Variants in KCNQ3 observed in about 807,000 individuals in gnomAD.
KCNQ3 encodes potassium voltage-gated channel subfamily Q member 3.
A neutral mutation model predicts 92.5 loss-of-function variants in KCNQ3; 30 were observed. The ratio of observed to expected loss-of-function variants is 0.32; its 90% CI spans 0.24 to 0.44. The LOEUF is 0.44. KCNQ3 is among the 20% of genes least tolerant of loss of function. The pLI is 1.00. For synonymous variants in KCNQ3, 450 were observed against 468.8 expected, an observed-to-expected ratio of 0.96 and a Z score of 0.52; for missense variants, 913 against 1,140.3, an observed-to-expected ratio of 0.80 and a Z score of 2.87.
At chr8:132,477,526 T>C (rs2130871873) in intron 1 of KCNQ3, among the ~76,000 whole-genome samples, 1 of 152,354 alleles carries the variant, frequency 6.6e-6, no homozygotes, top group South Asian at 2.1e-4. Context: ...TTGACTGGAC[T>C]GTCTCCTAAG....
At chr8:132,182,984 G>A (rs1247633275) in intron 3 of KCNQ3, among the ~76,000 whole-genome samples, 1 of 151,886 alleles carries the variant, frequency 6.6e-6, no homozygotes, top group Non-Finnish European at 1.5e-5. Context: ...TTAGCATCAG[G>A]TGGGAATAGG....
intron 1 of KCNQ3, among the ~76,000 whole-genome samples, chr8:132,325,359 T>C (rs1344785102): frequency 6.6e-6 from 1 of 152,032 alleles, no homozygotes; most frequent in Non-Finnish European, 1.5e-5. Flanking sequence ...TTTCCATTTC[T>C]GAGCCTTGAT....
rs1359217626 is a variant in KCNQ3, at chr8:132,172,610, A to G, written c.1128T>C (p.Ala376=). 2 of 1,613,964 alleles carry G rather than the reference A, an allele frequency of 1.2e-6. No homozygotes were observed. The highest frequency in any genetic ancestry group is 2.2e-5 in the South Asian group (2 of 91,084). Residue 376 remains alanine (A), a synonymous_variant, in exon 7 of 15, where the codon GCT becomes GCC. Transcript: ENST00000388996. ...KHFEKRRKPA[A]ELIQAAWRYY... ...CAGGCAGACAGACCTGAATGAGCTC[A>G]GCAGCTGGCTTCCTCCTTTTCTCAA...
At chr8:132,324,457 C>T (rs1448901346) in intron 1 of KCNQ3, among the ~76,000 whole-genome samples, 1 of 152,194 alleles carries the variant, frequency 6.6e-6, no homozygotes, top group Non-Finnish European at 1.5e-5. Flanking sequence ...AATGCAGACA[C>T]AGTCATTATC....
chr8:132,462,810 T>A (rs892229169), intron 1 of KCNQ3, among the ~76,000 whole-genome samples: 3 of 152,168 alleles, frequency 2.0e-5, no homozygotes, highest in Non-Finnish European at 4.4e-5. Context: ...TGGACACAGG[T>A]CAATAAGGAA....
chr8:132,399,633 C>T (rs998743633), intron 1 of KCNQ3, among the ~76,000 whole-genome samples: 10 of 152,224 alleles, frequency 6.6e-5, no homozygotes, highest in African/African-American at 2.2e-4. Context: ...GGACACCTCC[C>T]ATTAGAATGA....
intron 1 of KCNQ3, among the ~76,000 whole-genome samples, chr8:132,372,974 C>A (rs150227320): frequency 5.9e-5 from 9 of 152,096 alleles, no homozygotes; most frequent in Non-Finnish European, 1.2e-4. Flanking sequence ...AAGAAAGAAC[C>A]AAAGAAAGAA....
intron 1 of KCNQ3, among the ~76,000 whole-genome samples, chr8:132,332,783 C>A (rs1260628699): frequency 6.6e-6 from 1 of 152,214 alleles, no homozygotes; most frequent in African/African-American, 2.4e-5. Context: ...CAACTTACCA[C>A]GACTGTTCCA....
At chr8:132,338,948 A>C (rs538057581) in intron 1 of KCNQ3, among the ~76,000 whole-genome samples, 1 of 152,268 alleles carries the variant, frequency 6.6e-6, no homozygotes, top group East Asian at 1.9e-4. Context: ...GTCTTGTGAA[A>C]CCTCAGGAGA....
At chr8:132,378,578 C>A (rs749771868) in intron 1 of KCNQ3, among the ~76,000 whole-genome samples, 1 of 152,168 alleles carries the variant, frequency 6.6e-6, no homozygotes, top group Non-Finnish European at 1.5e-5. Flanking sequence ...GATACTCTTG[C>A]CTTGCCACTT....
intron 1 of KCNQ3, among the ~76,000 whole-genome samples, chr8:132,264,112 T>C (rs1182979180): frequency 6.6e-6 from 1 of 152,158 alleles, no homozygotes; most frequent in Non-Finnish European, 1.5e-5. Flanking sequence ...AGCTAGCAAG[T>C]GGTGAAATTG....
At chr8:132,174,590 T>A (rs868581476) in intron 5 of KCNQ3, among the ~76,000 whole-genome samples, 1 of 152,232 alleles carries the variant, frequency 6.6e-6, no homozygotes, top group African/African-American at 2.4e-5. Context: ...ATTGCAAATG[T>A]GTATGTACAC....
intron 1 of KCNQ3, among the ~76,000 whole-genome samples, chr8:132,474,701 T>C (rs1435066387): frequency 6.6e-6 from 1 of 152,130 alleles, no homozygotes; most frequent in Admixed American, 6.5e-5. Flanking sequence ...CTCTGCAGCC[T>C]GCTGTGGAGT....
chr8:132,313,034 C>T (rs776723356), intron 1 of KCNQ3, among the ~76,000 whole-genome samples: 9 of 152,154 alleles, frequency 5.9e-5, no homozygotes, highest in South Asian at 4.1e-4. Flanking sequence ...ACCTTCCAGC[C>T]GGACGTCTGA....
At chr8:132,424,411 C>A (rs1821053258) in intron 1 of KCNQ3, among the ~76,000 whole-genome samples, 1 of 152,228 alleles carries the variant, frequency 6.6e-6, no homozygotes, top group African/African-American at 2.4e-5. Context: ...TACTCCCATC[C>A]CCCCAACCCT....
chr8:132,324,972 G>A (rs1191120094), intron 1 of KCNQ3, among the ~76,000 whole-genome samples: 11 of 151,546 alleles, frequency 7.3e-5, no homozygotes, highest in East Asian at 1.9e-4. Flanking sequence ...TTTTGTATTC[G>A]CTGTCCTAGT....
intron 1 of KCNQ3, among the ~76,000 whole-genome samples, chr8:132,236,527 T>C (rs1018179153): frequency 2.0e-5 from 3 of 152,190 alleles, no homozygotes; most frequent in African/African-American, 7.2e-5. Context: ...ACACTGTCAA[T>C]GAATGTCTGC....
intron 1 of KCNQ3, among the ~76,000 whole-genome samples, chr8:132,339,233 C>A (rs1373596912): frequency 1.3e-5 from 2 of 152,172 alleles, no homozygotes; most frequent in Non-Finnish European, 2.9e-5. Context: ...AGATAAGAAG[C>A]AATGAGTTTT....
chr8:132,433,007 A>T (rs888017636), intron 1 of KCNQ3, among the ~76,000 whole-genome samples: 1 of 152,218 alleles, frequency 6.6e-6, no homozygotes, highest in South Asian at 2.1e-4. Flanking sequence ...TCTTTCCTAC[A>T]TGGTAGATGA....
Sources: gnomAD v4.1 joint callset for allele counts (sites outside exome capture counted in the v4.1 genomes callset) on GRCh38, gnomAD v4.1.1 for gene constraint, MANE v1.5 for transcripts, NCBI Gene and HGNC (gene_info 2026-07-23, HGNC 2026-07-21) for gene names.